The following NDUFAF2 variants were observed in gnomAD, a reference collection of about 807,000 sequenced individuals.
The protein encoded by NDUFAF2 is NADH:ubiquinone oxidoreductase complex assembly factor 2.
In NDUFAF2, 13 loss-of-function variants were observed where a neutral mutation model predicts 22.8. That is an observed-to-expected ratio of 0.57 (90% CI 0.37 to 0.91). The LOEUF is 0.91. NDUFAF2 is among the 40% of genes least tolerant of loss of function. The pLI is 0.01. For missense variants in NDUFAF2, 162 were observed against 195.2 expected, an observed-to-expected ratio of 0.83 and a Z score of 1.01; for synonymous variants, 53 against 64.2, an observed-to-expected ratio of 0.83 and a Z score of 0.84.
At chr5:61,105,003 T>C (rs911946186) in intron 3 of NDUFAF2, among the ~76,000 whole-genome samples, 2 of 152,068 alleles carry the variant, frequency 1.3e-5, no homozygotes, top group African/African-American at 4.8e-5. Flanking sequence ...AGGTGCTGGT[T>C]AAGCCTCCTT....
chr5:61,143,391 A>G (rs1319267821), intron 3 of NDUFAF2, among the ~76,000 whole-genome samples: 1 of 152,144 alleles, frequency 6.6e-6, no homozygotes, highest in Admixed American at 6.6e-5. Context: ...AATTATGGAA[A>G]GAAATTAGTG....
rs572936650 is a variant in NDUFAF2, at chr5:61,073,934, G to A, written c.217+720G>A. Among the ~76,000 whole-genome samples the A allele has an allele frequency of 5.3e-5, 8 of 152,234 alleles. No individual in the cohort carries two copies. In the East Asian group the frequency reaches 5.8e-4, roughly 11 times the overall value. On this transcript the variant is annotated intron_variant, in intron 2 of 3. Coordinates refer to ENST00000296597, the MANE Select transcript of NDUFAF2 (RefSeq NM_174889.5). ...AAAGCTGATTTACTGAGAAGAAAAC[G>A]GAAACTAGTTCACAATGAGAAGTAC...
At chr5:61,071,573 C>T (rs1455866220) in intron 1 of NDUFAF2, among the ~76,000 whole-genome samples, 1 of 152,178 alleles carries the variant, frequency 6.6e-6, no homozygotes, top group Admixed American at 6.5e-5. Flanking sequence ...GAGAGATTTG[C>T]AGGCATCAAG....
At chr5:61,026,098 A>G (rs537383051) in intron 1 of NDUFAF2, among the ~76,000 whole-genome samples, 2 of 152,148 alleles carry the variant, frequency 1.3e-5, no homozygotes. Flanking sequence ...GAAATTTACA[A>G]TTCAATATGT....
intron 1 of NDUFAF2, among the ~76,000 whole-genome samples, chr5:61,059,460 A>G (rs1194510332): frequency 6.6e-6 from 1 of 152,096 alleles, no homozygotes. Flanking sequence ...TTTAAACGTA[A>G]TATTGGTGTG....
chr5:61,073,495 A>C (rs1455719854), intron 2 of NDUFAF2, among the ~76,000 whole-genome samples: 1 of 152,240 alleles, frequency 6.6e-6, no homozygotes, highest in Non-Finnish European at 1.5e-5. Context: ...AAATTTAAGC[A>C]GGCACTCACT....
At chr5:61,095,650 C>A (rs972530169) in intron 2 of NDUFAF2, among the ~76,000 whole-genome samples, 1 of 152,200 alleles carries the variant, frequency 6.6e-6, no homozygotes, top group East Asian at 1.9e-4. Flanking sequence ...TGCCAAGAGT[C>A]CACACAGCTC....
intron 2 of NDUFAF2, chr5:61,083,207 T>C (rs1752465167): frequency 7.7e-6 from 1 of 130,226 alleles, no homozygotes; most frequent in South Asian, 2.5e-4. Flanking sequence ...TCCCCACTTT[T>C]AATGTTGTTT....
chr5:61,144,000 G>GTGTGTGT, intron 3 of NDUFAF2, among the ~76,000 whole-genome samples: 1 of 148,148 alleles, frequency 6.8e-6, no homozygotes, highest in African/African-American at 2.5e-5. Context: ...GTGTGTGTGT[G>GTGTGTGT]TGTGTGTGTT....
At chr5:60,960,374 C>T in intron 1 of NDUFAF2, among the ~76,000 whole-genome samples, 1 of 152,094 alleles carries the variant, frequency 6.6e-6, no homozygotes, top group South Asian at 2.1e-4. Flanking sequence ...AATAATATGT[C>T]TAGTGTTGAT....
chr5:61,106,295 C>T (rs1158205563), intron 3 of NDUFAF2, among the ~76,000 whole-genome samples: 1 of 151,408 alleles, frequency 6.6e-6, no homozygotes, highest in Non-Finnish European at 1.5e-5. Flanking sequence ...ACCACCTTAA[C>T]TAGATGGTCA....
intron 2 of NDUFAF2, among the ~76,000 whole-genome samples, chr5:61,078,705 C>T (rs761917292): frequency 1.5e-4 from 23 of 151,874 alleles, no homozygotes; most frequent in Non-Finnish European, 2.9e-4. Flanking sequence ...CGCGCCACTG[C>T]ACTCCAGTCT....
chr5:61,008,249 A>T (rs892307755), intron 1 of NDUFAF2, among the ~76,000 whole-genome samples: 10 of 152,108 alleles, frequency 6.6e-5, no homozygotes, highest in Admixed American at 5.9e-4. Context: ...ACATGTATAC[A>T]TATGTAACTA....
chr5:61,105,146 C>T (rs1054688942), intron 3 of NDUFAF2, among the ~76,000 whole-genome samples: 1 of 146,896 alleles, frequency 6.8e-6, no homozygotes. Context: ...ATGTTACTGG[C>T]CCTGCAGCTA....
intron 1 of NDUFAF2, among the ~76,000 whole-genome samples, chr5:60,962,776 T>A (rs1458040656): frequency 1.3e-5 from 2 of 149,744 alleles, no homozygotes; most frequent in African/African-American, 4.9e-5. Flanking sequence ...GAGGTTGCAG[T>A]GAGCCAAGAT....
chr5:60,973,392 C>G (rs1750861974), intron 1 of NDUFAF2, among the ~76,000 whole-genome samples: 1 of 151,902 alleles, frequency 6.6e-6, no homozygotes, highest in Non-Finnish European at 1.5e-5. Context: ...GCCTTGCTTT[C>G]TATGTTGTTG....
rs555785326 is a variant in NDUFAF2 at position 61,007,111 on chromosome 5, T to C, written c.127+61729T>C. Among the ~76,000 whole-genome samples, 3 of 152,216 alleles carry C rather than the reference T, an allele frequency of 2.0e-5. No individual in the cohort carries two copies. The East Asian group carries it at 5.8e-4, about 29-fold the overall frequency. On this transcript the variant is annotated intron_variant, in intron 1 of 3. Coordinates refer to ENST00000296597, the MANE Select transcript of NDUFAF2 (RefSeq NM_174889.5). ...AGTTTCTTTTGCTGTGCAGAAGCTC[T>C]TTAGTTTAATTAGATCCCATTTGTC...
At chr5:61,015,923 C>G (rs1026917407) in intron 1 of NDUFAF2, among the ~76,000 whole-genome samples, 40 of 152,252 alleles carry the variant, frequency 2.6e-4, no homozygotes, top group African/African-American at 9.6e-4. Context: ...TGCGGTGGCT[C>G]ACGCCTGTAA....
chr5:60,970,367 C>T (rs1283792147), intron 1 of NDUFAF2, among the ~76,000 whole-genome samples: 1 of 152,068 alleles, frequency 6.6e-6, no homozygotes, highest in Non-Finnish European at 1.5e-5. Flanking sequence ...CATGGAATAT[C>T]ATTCTATTTT....
Sources: allele counts gnomAD v4.1 joint callset (sites outside exome capture counted in the v4.1 genomes callset), GRCh38; gene constraint gnomAD v4.1.1; transcripts MANE v1.5; gene names NCBI Gene and HGNC (gene_info 2026-07-23, HGNC 2026-07-21).